Variants in ZNF454 observed in about 807,000 individuals in gnomAD.
ZNF454 encodes zinc finger protein 454.
Under a neutral mutation model 48.2 loss-of-function variants are expected in ZNF454, and 30 were observed. The observed-to-expected ratio is 0.62, with a 90% CI of 0.47 to 0.84. The LOEUF (loss-of-function observed/expected upper bound fraction) is 0.84, where lower values mean the gene tolerates loss of function less well. Ranked by LOEUF, ZNF454 falls within the 40% of genes least tolerant of loss-of-function variation. ZNF454 has a pLI of 0.00. For synonymous variants in ZNF454, 204 were observed against 211.4 expected (o/e 0.97, Z 0.30); for missense variants, 510 against 623.1 (o/e 0.82, Z 1.93).
chr5:178,960,823 T>C (rs915589383), intron 4 of ZNF454, among the ~76,000 whole-genome samples: 1 of 151,766 alleles, frequency 6.6e-6, no homozygotes, highest in African/African-American at 2.4e-5. Flanking sequence ...CACCTTTCTT[T>C]TGTATGATAT....
At chr5:178,943,208 C>T (rs1043903577) in intron 2 of ZNF454, among the ~76,000 whole-genome samples, 4 of 152,130 alleles carry the variant, frequency 2.6e-5, no homozygotes, top group East Asian at 1.9e-4. Context: ...AATTGGCCCA[C>T]GGTTCTGTAG....
chr5:178,985,909 G>A, the ZNF454 span: 8,959 of 581,040 alleles, frequency 0.015, 315 homozygotes, highest in African/African-American at 0.1. Context: ...CTACAGGCAC[G>A]CACCACCATG....
chr5:178,962,248 T>C (rs1311440009), intron 4 of ZNF454, among the ~76,000 whole-genome samples: 4 of 151,822 alleles, frequency 2.6e-5, no homozygotes, highest in African/African-American at 9.6e-5. Flanking sequence ...AGTCTTAGTT[T>C]TGCTTTTTCA....
At chr5:178,963,293 A>G (rs1023863404) in intron 4 of ZNF454, among the ~76,000 whole-genome samples, 1 of 151,836 alleles carries the variant, frequency 6.6e-6, no homozygotes. Context: ...CAGAAGTGGA[A>G]GTCAGTCCTT....
Position 178,946,975 on chromosome 5 carries a change from G to A in ZNF454, c.239G>A (p.Gly80Asp). ...TGGATGCCAGAGGACACCCCTGGAG[G>A]CTTCTGTCTTGGTAAGAATCATGTG... ...EVWMPEDTPG[G>D]FCLDWMTMPA... The change falls in exon 4 of 5, where the codon GGC becomes GAC. Residue 80 changes from glycine to aspartate, a missense_variant. Gly to Asp is a moderately conservative substitution (Grantham distance 94). Coordinates refer to ENST00000519564, the MANE Select transcript of ZNF454 (RefSeq NM_001178089.3). The surrounding 1 kb of genome is among the most constrained non-coding windows in gnomAD (Gnocchi z 4.5). 6.2e-7 allele frequency: 1 copy of A among 1,613,814 alleles called. No individual in the cohort carries two copies. The highest frequency in any genetic ancestry group is 8.5e-7 in the Non-Finnish European group (1 of 1,179,836).
intron 2 of ZNF454, among the ~76,000 whole-genome samples, chr5:178,943,390 G>A (rs556380453): frequency 6.6e-6 from 1 of 152,260 alleles, no homozygotes; most frequent in Admixed American, 6.5e-5. Context: ...TGAACCAACT[G>A]AGCGAGAATT....
rs1262436102 is a variant in ZNF454, at chr5:178,946,321, G to T, written c.34-38G>T. The T allele has an allele frequency of 6.2e-7, 1 of 1,608,856 alleles. No individual in the cohort carries two copies. Among genetic ancestry groups the T allele is most frequent in the Non-Finnish European group, 8.5e-7 (1 of 1,178,350 alleles). On this transcript the variant is annotated intron_variant, in intron 2 of 4. Coordinates refer to ENST00000519564, the MANE Select transcript of ZNF454 (RefSeq NM_001178089.3). This position sits in a 1 kb window ranked among gnomAD's most constrained non-coding sequence, Gnocchi z 4.5. ...CTTTTCCAGAGAACCATGTGCAGGG[G>T]TAGCCCCTGGTCAAGGAGAATGAAT...
In ZNF454 at chr5:178,946,840, G is replaced by C; in HGVS notation, c.161-57G>C. 1 of 1,505,056 alleles carries C rather than the reference G, an allele frequency of 6.6e-7. No individual in the cohort carries two copies. Among genetic ancestry groups the C allele is most frequent in the Non-Finnish European group, 9.2e-7 (1 of 1,088,108 alleles). The allele number at this position is 1,505,056 out of a possible 1,614,324, so 93.2% of individuals were successfully genotyped here. A position where few individuals can be genotyped will look rare whatever the true frequency, so the allele number is the denominator to read the frequency against. On this transcript the variant is annotated intron_variant, in intron 3 of 4. Transcript: ENST00000519564. The surrounding 1 kb of genome is among the most constrained non-coding windows in gnomAD (Gnocchi z 4.5). ...GAGGACCAGGCTTTGTCTTTGCAGTGATTTTTATCTCTCGTATAAACAGAT... is the reference window on the plus strand; with the variant it reads ...GAGGACCAGGCTTTGTCTTTGCAGTCATTTTTATCTCTCGTATAAACAGAT...
the ZNF454 span, among the ~76,000 whole-genome samples, chr5:178,987,932 G>A: frequency 0.95 from 134,225 of 142,012 alleles, 63,984 homozygotes; most frequent in South Asian, 1. Flanking sequence ...GCTAATTTTT[G>A]TATTTTTAGT....
intron 4 of ZNF454, among the ~76,000 whole-genome samples, chr5:178,952,186 C>T (rs1405382099): frequency 6.6e-6 from 1 of 152,010 alleles, no homozygotes; most frequent in Non-Finnish European, 1.5e-5. Flanking sequence ...TACAGGCGCC[C>T]GCCACTGCTC....
the ZNF454 span, among the ~76,000 whole-genome samples, chr5:178,988,139 C>T: frequency 6.6e-6 from 1 of 152,036 alleles, no homozygotes; most frequent in African/African-American, 2.4e-5. The surrounding 1 kb of genome is among the most constrained non-coding windows in gnomAD (Gnocchi z 6.0). Context: ...TATTTTATCA[C>T]AATTAAAAAT....
At chr5:178,981,433 A>C in the ZNF454 span, 4 of 550,270 alleles carry the variant, frequency 7.3e-6, no homozygotes, top group Middle Eastern at 4.9e-4. This position sits in a 1 kb window ranked among gnomAD's most constrained non-coding sequence, Gnocchi z 5.1. Context: ...CACCATGGGA[A>C]GCGAGTCTGG....
chr5:178,986,134 A>AG, the ZNF454 span: 3 of 1,613,124 alleles, frequency 1.9e-6, no homozygotes, highest in Admixed American at 5.0e-5. Context: ...ACCCACCTGC[A>AG]GGGAGGTGAG....
the ZNF454 span, chr5:178,986,239 G>A: frequency 6.2e-7 from 1 of 1,614,212 alleles, no homozygotes; most frequent in South Asian, 1.1e-5. Context: ...GATACGGTTG[G>A]TCTTGGTGAG....
intron 4 of ZNF454, among the ~76,000 whole-genome samples, chr5:178,948,682 G>C (rs999467581): frequency 1.3e-5 from 2 of 152,068 alleles, no homozygotes; most frequent in Non-Finnish European, 2.9e-5. Context: ...TTTGGGAAGG[G>C]TGATTAGCAG....
downstream of ZNF454, among the ~76,000 whole-genome samples, chr5:178,970,886 T>A (rs965215796): frequency 2.6e-5 from 4 of 152,222 alleles, no homozygotes; most frequent in Admixed American, 2.6e-4. Flanking sequence ...TTTCTCTCTG[T>A]AGCCAGCCTG....
chr5:178,941,557 G>A lies in ZNF454; in HGVS notation c.-108+113G>A. 2.2e-6 allele frequency: 1 copy of A among 452,708 alleles called. No homozygotes were observed. Among genetic ancestry groups the A allele is most frequent in the Non-Finnish European group, 4.5e-6 (1 of 224,674 alleles). The allele number at this position is 452,708 out of a possible 1,614,324, so 28.0% of individuals were successfully genotyped here. A position where few individuals can be genotyped will look rare whatever the true frequency, so the allele number is the denominator to read the frequency against. Reference sequence around the variant, plus strand: ...GAGATGGAGCCAGGGCCTCTGGCATGTGTCTTGGAGCGGACTCCGAGAAGC... The same window carrying A: ...GAGATGGAGCCAGGGCCTCTGGCATATGTCTTGGAGCGGACTCCGAGAAGC... On this transcript the variant is annotated intron_variant, in intron 1 of 4. Coordinates refer to ENST00000519564, the MANE Select transcript of ZNF454 (RefSeq NM_001178089.3). This position sits in a 1 kb window ranked among gnomAD's most constrained non-coding sequence, Gnocchi z 5.5.
chr5:178,985,381 AG>A, the ZNF454 span: 7 of 373,332 alleles, frequency 1.9e-5, no homozygotes, highest in African/African-American at 9.1e-5. Flanking sequence ...ACAGGAGGGG[AG>A]GGGCTCCATT....
At chr5:178,983,246 ACACAG>A in the ZNF454 span, 1 of 1,594,002 alleles carries the variant, frequency 6.3e-7, no homozygotes. Flanking sequence ...ACTGCATCAG[ACACAG>A]CACTTTCCAG....
Sources: gnomAD v4.1 joint callset for allele counts (sites outside exome capture counted in the v4.1 genomes callset) on GRCh38, gnomAD v4.1.1 for gene constraint, Gnocchi (gnomAD v3.1) non-coding constraint, MANE v1.5 for transcripts, NCBI Gene and HGNC (gene_info 2026-07-23, HGNC 2026-07-21) for gene names.